Variants in FSTL5 observed in about 807,000 individuals in gnomAD.
FSTL5 encodes follistatin like 5.
FSTL5 carries 62 observed loss-of-function variants against 89.1 expected under a neutral mutation model. That is an observed-to-expected ratio of 0.70 (90% confidence interval 0.57 to 0.86). The LOEUF is 0.86. FSTL5 is among the 40% of genes least tolerant of loss of function. The pLI is 0.00. For synonymous variants in FSTL5, 383 were observed against 346.2 expected (o/e 1.11, Z -1.18); for missense variants, 1,057 against 1,001.6 (o/e 1.06, Z -0.75).
chr4:162,062,888 A>T (rs1738768131), intron 2 of FSTL5, among the ~76,000 whole-genome samples: 1 of 151,818 alleles, frequency 6.6e-6, no homozygotes, highest in African/African-American at 2.4e-5. Context: ...CTATATAGAC[A>T]AAATATTGTG....
At chr4:161,856,249 A>G (rs1204976215) in intron 4 of FSTL5, among the ~76,000 whole-genome samples, 5 of 152,144 alleles carry the variant, frequency 3.3e-5, no homozygotes, top group African/African-American at 1.2e-4. Flanking sequence ...TTGATATTGA[A>G]CATAGAAGAA....
chr4:161,386,375 G>T lies in FSTL5; in HGVS notation c.1916C>A (p.Thr639Lys). The T allele has an allele frequency of 6.2e-7, 1 of 1,613,722 alleles. No homozygotes were observed. Among genetic ancestry groups the T allele is most frequent in the Non-Finnish European group, 8.5e-7 (1 of 1,179,822 alleles). ...GCACTTATAGTCCTTCAAGTTAATT[G>T]TCTTGATGTATGACATGGTTTCAAG... The part of the protein sequence containing the change: ...IDLETMSYIK[T>K]INLKDYKCVP... Residue 639 changes from threonine to lysine, a missense_variant, in exon 16 of 16, where the codon ACA becomes AAA. Around this residue, in one of 3 missense-constraint regions of FSTL5, gnomAD observed 980 missense variants for 903.2 expected, o/e 1.08. Coordinates refer to ENST00000306100, the MANE Select transcript of FSTL5 (RefSeq NM_020116.5).
At chr4:161,821,778 G>GGT (rs1191487848) in intron 4 of FSTL5, among the ~76,000 whole-genome samples, 5 of 151,820 alleles carry the variant, frequency 3.3e-5, no homozygotes, top group South Asian at 2.1e-4. Context: ...GGTATTCCAT[G>GGT]GTGTGTGTGT....
chr4:161,687,876 G>C (rs1737799466), intron 6 of FSTL5, among the ~76,000 whole-genome samples: 1 of 152,160 alleles, frequency 6.6e-6, no homozygotes, highest in South Asian at 2.1e-4. Flanking sequence ...GGGTCTAATG[G>C]GAGGTGGCTC....
rs1430593146 is a variant in FSTL5 at position 162,081,475 on chromosome 4, A to AAT, written c.126+29794_126+29795dup. ...TGAGCAAAGCCCTGATAAATTAAACAATATATATATAAAATAATAATCACA... is the reference window on the plus strand; with the variant it reads ...TGAGCAAAGCCCTGATAAATTAAACAATATATATATATAAAATAATAATCACA... On this transcript the variant is annotated intron_variant, in intron 2 of 15. Transcript: ENST00000306100. Among the ~76,000 whole-genome samples, 6 of 151,630 alleles carry AAT rather than the reference A, an allele frequency of 4.0e-5. 1 individual carries two copies. Among genetic ancestry groups the AAT allele is most frequent in the Admixed American group, 2.6e-4 (4 of 15,152 alleles).
At position 161,481,108 on chromosome 4, in the gene FSTL5, A is replaced by G. The variant is rs769852932; in HGVS notation, c.1520T>C (p.Val507Ala). 1.4e-5 allele frequency: 23 copies of G among 1,613,034 alleles called. No individual in the cohort carries two copies. The highest frequency in any genetic ancestry group is 1.8e-5 in the Non-Finnish European group (21 of 1,179,362). The change falls in exon 13 of 16, where the codon GTT becomes GCT. Residue 507 changes from valine (V) to alanine (A), a missense_variant. By Grantham distance (64) the Val-to-Ala change is moderately conservative. Around this residue, in one of 3 missense-constraint regions of FSTL5, gnomAD observed 980 missense variants for 903.2 expected, o/e 1.08. Transcript: ENST00000306100. ...EVQRCVWASA[V>A]NVKDKFIYVA... ...ATAAATGAACTTGTCTTTGACATTA[A>G]CAGCTGATGCCCACACACACCTCTG...
chr4:161,794,425 C>T (rs1468377351), intron 4 of FSTL5, among the ~76,000 whole-genome samples: 1 of 152,184 alleles, frequency 6.6e-6, no homozygotes, highest in Non-Finnish European at 1.5e-5. Flanking sequence ...TGTAGCAAAA[C>T]ATTCCTTGAG....
At chr4:162,042,604 T>C (rs187224936) in intron 2 of FSTL5, among the ~76,000 whole-genome samples, 131 of 152,026 alleles carry the variant, frequency 8.6e-4, no homozygotes, top group South Asian at 2.1e-4. Context: ...TAACAGATAA[T>C]TGAAATAGTG....
chr4:161,797,649 A>T (rs1309894884), intron 4 of FSTL5, among the ~76,000 whole-genome samples: 1 of 151,566 alleles, frequency 6.6e-6, no homozygotes, highest in Non-Finnish European at 1.5e-5. Context: ...ATTTAAAAAC[A>T]AAGGTGGATT....
chr4:162,136,315 C>T (rs974768915), intron 1 of FSTL5, among the ~76,000 whole-genome samples: 2 of 151,832 alleles, frequency 1.3e-5, no homozygotes, highest in South Asian at 2.1e-4. Context: ...GATGAGAACC[C>T]GGTTATTAGA....
intron 13 of FSTL5, among the ~76,000 whole-genome samples, chr4:161,475,944 G>A (rs977197299): frequency 6.6e-5 from 10 of 151,632 alleles, no homozygotes; most frequent in Admixed American, 2.0e-4. Flanking sequence ...TAGTAGAGAC[G>A]GGGTTCCACC....
At position 161,948,485 on chromosome 4, in the gene FSTL5, C is replaced by CTTTTTT. The variant is rs35577056; in HGVS notation, c.161-27839_161-27834dup. Among the ~76,000 whole-genome samples, 315 of 114,032 alleles carry CTTTTTT rather than the reference C, an allele frequency of 2.8e-3. 1 individual carries two copies. The highest frequency in any genetic ancestry group is 5.5e-3 in the Middle Eastern group (1 of 182). The allele number at this position is 114,032 out of a possible 152,430, so 74.8% of individuals were successfully genotyped here. On this transcript the variant is annotated intron_variant, in intron 3 of 15. Transcript: ENST00000306100. Reference sequence around the variant, plus strand: ...TGAACGGAATTTTTTTCTTTTCTTTCTTTTTTTTTTTTTTTTTTGGAGACA... The same window carrying CTTTTTT: ...TGAACGGAATTTTTTTCTTTTCTTTCTTTTTTTTTTTTTTTTTTTTTTTTGGAGACA...
intron 2 of FSTL5, among the ~76,000 whole-genome samples, chr4:162,094,018 T>C (rs1278246354): frequency 6.6e-6 from 1 of 152,124 alleles, no homozygotes; most frequent in Admixed American, 6.5e-5. Flanking sequence ...AAAATTAAAA[T>C]AATTATTAAG....
intron 6 of FSTL5, among the ~76,000 whole-genome samples, chr4:161,690,760 A>G (rs564654351): frequency 1.1e-4 from 17 of 152,030 alleles, no homozygotes; most frequent in Admixed American, 1.1e-3. Context: ...TCTCATGTTT[A>G]ACCTAGTACC....
chr4:161,428,835 G>C (rs924802286), intron 15 of FSTL5, among the ~76,000 whole-genome samples: 2 of 152,076 alleles, frequency 1.3e-5, no homozygotes, highest in African/African-American at 4.8e-5. Context: ...ACTTATGCTT[G>C]AGAAAAGGAG....
At chr4:161,426,512 G>C (rs1302383761) in intron 15 of FSTL5, among the ~76,000 whole-genome samples, 2 of 152,174 alleles carry the variant, frequency 1.3e-5, no homozygotes, top group Non-Finnish European at 2.9e-5. Context: ...TGAGTGTTTT[G>C]GTACAGAAAT....
chr4:162,107,110 T>A (rs1167045119), intron 2 of FSTL5, among the ~76,000 whole-genome samples: 1 of 152,184 alleles, frequency 6.6e-6, no homozygotes, highest in Non-Finnish European at 1.5e-5. Flanking sequence ...TACTATCACA[T>A]GAATGTGGGG....
chr4:161,471,788 C>T (rs1390082571), intron 13 of FSTL5, among the ~76,000 whole-genome samples: 2 of 151,824 alleles, frequency 1.3e-5, no homozygotes, highest in African/African-American at 4.8e-5. Context: ...TTTGTGTTTC[C>T]ATAAATTTGT....
At chr4:162,013,816 G>A (rs1479048147) in intron 3 of FSTL5, among the ~76,000 whole-genome samples, 14 of 150,274 alleles carry the variant, frequency 9.3e-5, no homozygotes, top group Non-Finnish European at 8.9e-5. Context: ...TTTTACTTCT[G>A]TTGGTAATGG....
Sources: allele counts gnomAD v4.1 joint callset (sites outside exome capture counted in the v4.1 genomes callset), GRCh38; gene constraint gnomAD v4.1.1; regional missense constraint gnomAD v4.1.1; transcripts MANE v1.5; gene names NCBI Gene and HGNC (gene_info 2026-07-23, HGNC 2026-07-21).